Variants in RFX2 observed in about 807,000 individuals in gnomAD.
RFX2 encodes the protein regulatory factor X2.
A neutral mutation model predicts 87.8 loss-of-function variants in RFX2; 20 were observed. That is an observed-to-expected ratio of 0.23 (90% CI 0.16 to 0.33). RFX2 has a LOEUF of 0.33. Ranked by LOEUF, RFX2 falls within the 10% of genes least tolerant of loss-of-function variation. RFX2 has a pLI of 1.00. For missense variants in RFX2, 767 were observed against 1,012.3 expected (o/e 0.76, Z 3.29); for synonymous variants, 397 against 431.3 (o/e 0.92, Z 0.98).
rs769710589 is a variant in RFX2 at position 6,016,228 on chromosome 19, C to T, written c.641G>A (p.Ser214Asn). ...LDNYETAEGVSLPRSSLYNHY... is the reference protein window; with the variant it reads ...LDNYETAEGVNLPRSSLYNHY... Reference sequence around the variant, plus strand: ...GTTGTAAAGAGAACTTCTGGGGAGACTCACACCTTCCGCTGTTTCATAATT... The same window carrying T: ...GTTGTAAAGAGAACTTCTGGGGAGATTCACACCTTCCGCTGTTTCATAATT... Residue 214 changes from serine (S) to asparagine (N), a missense_variant, in exon 7 of 18, where the codon AGT becomes AAT. Ser to Asn is a conservative substitution (Grantham distance 46). Coordinates refer to ENST00000303657, the MANE Select transcript of RFX2 (RefSeq NM_000635.4). The surrounding 1 kb of genome is among the most constrained non-coding windows in gnomAD (Gnocchi z 5.4). 1 of 1,612,646 alleles carries T rather than the reference C, an allele frequency of 6.2e-7. No individual in the cohort carries two copies. The highest frequency in any genetic ancestry group is 8.5e-7 in the Non-Finnish European group (1 of 1,179,088).
intron 1 of RFX2, among the ~76,000 whole-genome samples, chr19:6,077,438 G>A (rs777791696): frequency 2.6e-5 from 4 of 152,206 alleles, no homozygotes; most frequent in East Asian, 1.9e-4. Context: ...CAAGAGGGGC[G>A]TGTGCCTCTG....
intron 6 of RFX2, among the ~76,000 whole-genome samples, chr19:6,018,561 G>C (rs1191729777): frequency 6.6e-6 from 1 of 152,250 alleles, no homozygotes; most frequent in Non-Finnish European, 1.5e-5. Flanking sequence ...GCGGGGCTGA[G>C]TTCCATTTTA....
intron 1 of RFX2, among the ~76,000 whole-genome samples, chr19:6,076,275 C>G (rs1411142546): frequency 6.6e-6 from 1 of 152,154 alleles, no homozygotes; most frequent in Admixed American, 6.5e-5. Context: ...ACCCGGGAGG[C>G]TGAGGTTGCA....
At chr19:6,094,130 G>A (rs1299196712) in intron 1 of RFX2, among the ~76,000 whole-genome samples, 2 of 152,156 alleles carry the variant, frequency 1.3e-5, no homozygotes, top group African/African-American at 2.4e-5. Flanking sequence ...GAATTCGTAT[G>A]TATGTTTTAC....
At chr19:6,088,356 C>T (rs918630384) in intron 1 of RFX2, among the ~76,000 whole-genome samples, 1 of 151,802 alleles carries the variant, frequency 6.6e-6, no homozygotes, top group African/African-American at 2.4e-5. Flanking sequence ...GTATTACAGG[C>T]ATGTGCCACC....
At chr19:6,106,026 CCCTATAGG>C (rs2088211326) in intron 1 of RFX2, among the ~76,000 whole-genome samples, 1 of 152,162 alleles carries the variant, frequency 6.6e-6, no homozygotes, top group Non-Finnish European at 1.5e-5. Flanking sequence ...GGCTCCAGTT[CCCTATAGG>C]CCTGTTAGGG....
chr19:6,030,300 C>T (rs976742995), intron 5 of RFX2, among the ~76,000 whole-genome samples: 4 of 152,294 alleles, frequency 2.6e-5, no homozygotes, highest in Non-Finnish European at 4.4e-5. Flanking sequence ...TGAGTAATGG[C>T]TGATTTCTCA....
intron 1 of RFX2, among the ~76,000 whole-genome samples, chr19:6,068,663 G>A (rs563888255): frequency 6.6e-5 from 10 of 152,208 alleles, no homozygotes; most frequent in Admixed American, 3.3e-4. Context: ...CAAAGGCCCC[G>A]AGGTGGGACA....
At chr19:6,008,583 CA>C (rs1236943710) in intron 9 of RFX2, among the ~76,000 whole-genome samples, 1 of 152,008 alleles carries the variant, frequency 6.6e-6, no homozygotes, top group Non-Finnish European at 1.5e-5. Flanking sequence ...TTGTTTTGGC[CA>C]GGCTGGTCTC....
At chr19:6,109,341 G>A (rs997245838) in intron 1 of RFX2, 1 of 152,062 alleles carries the variant, frequency 6.6e-6, no homozygotes, top group African/African-American at 2.4e-5. Flanking sequence ...AAGGGGAGGG[G>A]GTGTCCGAGG....
rs923043784 is a variant in RFX2, at chr19:6,074,028, G to A, written c.-8-26524C>T. On this transcript the variant is annotated intron_variant, in intron 1 of 17. Transcript: ENST00000303657. This position sits in a 1 kb window ranked among gnomAD's most constrained non-coding sequence, Gnocchi z 5.2. Reference sequence around the variant, plus strand: ...CTTCTAGGCAGCCCCCAGACAGGCCGGCCCTGGGTAGCAGGAACTCGTTCT... The same window carrying A: ...CTTCTAGGCAGCCCCCAGACAGGCCAGCCCTGGGTAGCAGGAACTCGTTCT... Among the ~76,000 whole-genome samples the A allele has an allele frequency of 2.0e-5, 3 of 152,164 alleles. No individual in the cohort carries two copies. The highest frequency in any genetic ancestry group is 7.2e-5 in the African/African-American group (3 of 41,444).
Position 5,998,111 on chromosome 19 carries a change from C to G in RFX2, c.1860-898G>C, listed in dbSNP as rs1233814887. ...TCACTTGGGGTCAGGAGTTCTAGAC[C>G]AGCCTGGCCAACATGGTGAAACGCC... is the stretch of plus-strand genomic sequence containing the variant. On this transcript the variant is annotated intron_variant, in intron 15 of 17. Transcript: ENST00000303657. The surrounding 1 kb of genome is among the most constrained non-coding windows in gnomAD (Gnocchi z 4.2). Among the ~76,000 whole-genome samples, 1 of 152,086 alleles carries G rather than the reference C, an allele frequency of 6.6e-6. No homozygotes were observed. Among genetic ancestry groups the G allele is most frequent in the Admixed American group, 6.5e-5 (1 of 15,276 alleles).
chr19:6,097,310 G>A (rs1434522271), intron 1 of RFX2, among the ~76,000 whole-genome samples: 1 of 152,062 alleles, frequency 6.6e-6, no homozygotes, highest in Non-Finnish European at 1.5e-5. Context: ...CTTGGGCCTT[G>A]CCTTTCTTCC....
rs751476273 is a variant in RFX2 at position 6,047,480 on chromosome 19, C to T, written c.17G>A (p.Gly6Asp). ...CACGGACGCTGGCGAATCCGCTCCA[C>T]CCTCGGAATTCTGCATGCTCAGGTC... MQNSE[G>D]GADSPASVAL... The change falls in exon 2 of 18, where the codon GGT becomes GAT. Residue 6 changes from glycine (G) to aspartate (D), a missense_variant. By Grantham distance (94) the Gly-to-Asp change is moderately conservative. Coordinates refer to ENST00000303657, the MANE Select transcript of RFX2 (RefSeq NM_000635.4). This position sits in a 1 kb window ranked among gnomAD's most constrained non-coding sequence, Gnocchi z 4.2. 24 of 1,608,508 alleles carry T rather than the reference C, an allele frequency of 1.5e-5. No homozygotes were observed. The East Asian group carries it at 4.7e-4, about 32-fold the overall frequency.
In RFX2 at chr19:6,016,297, T is replaced by C. The variant is rs370516246; in HGVS notation, c.598-26A>G. On this transcript the variant is annotated intron_variant, in intron 6 of 17. Coordinates refer to ENST00000303657, the MANE Select transcript of RFX2 (RefSeq NM_000635.4). This position sits in a 1 kb window ranked among gnomAD's most constrained non-coding sequence, Gnocchi z 5.4. ...CTGTAAAAAGAAAGACACGTCTGCG[T>C]TTGTCAGAAGCCTGAGGAACGCTAA... 5.7e-6 allele frequency: 9 copies of C among 1,568,450 alleles called. No homozygotes were observed. In the African/African-American group the frequency reaches 1.2e-4, roughly 21 times the overall value.
rs1029283339 is a variant in RFX2, at chr19:6,016,680, C to T, written c.598-409G>A. Among the ~76,000 whole-genome samples the T allele has an allele frequency of 3.9e-5, 6 of 152,188 alleles. No homozygotes were observed. The highest frequency in any genetic ancestry group is 2.1e-4 in the South Asian group (1 of 4,826). ...TGCTGGGATTACAGGCGTGAGCCAC[C>T]GTGCCTGGCCAGAAATCCATCTTTA... On this transcript the variant is annotated intron_variant, in intron 6 of 17. Coordinates refer to ENST00000303657, the MANE Select transcript of RFX2 (RefSeq NM_000635.4). This position sits in a 1 kb window ranked among gnomAD's most constrained non-coding sequence, Gnocchi z 5.4.
Position 6,017,594 on chromosome 19 carries a change from G to A in RFX2, c.598-1323C>T, listed in dbSNP as rs1230663285. 2.6e-5 allele frequency among the ~76,000 whole-genome samples: 4 copies of A among 152,178 alleles called. No individual in the cohort carries two copies. The highest frequency in any genetic ancestry group is 5.9e-5 in the Non-Finnish European group (4 of 68,020). ...GTCCAGATCCCATGTCAAGAGCGTC[G>A]GGGGAAACCAGCTGTCTCTACCTGG... On this transcript the variant is annotated intron_variant, in intron 6 of 17. Transcript: ENST00000303657. The surrounding 1 kb of genome is among the most constrained non-coding windows in gnomAD (Gnocchi z 4.1).
chr19:6,098,346 T>C (rs2088059692), intron 1 of RFX2, among the ~76,000 whole-genome samples: 2 of 152,138 alleles, frequency 1.3e-5, no homozygotes, highest in South Asian at 4.2e-4. Context: ...ACTTGAGAAA[T>C]GGGGGCTCTC....
At position 6,023,641 on chromosome 19, in the gene RFX2, G is replaced by T. The variant is rs1156817469; in HGVS notation, c.597+2522C>A. 1.3e-5 allele frequency among the ~76,000 whole-genome samples: 2 copies of T among 152,196 alleles called. No individual in the cohort carries two copies. Among genetic ancestry groups the T allele is most frequent in the African/African-American group, 2.4e-5 (1 of 41,438 alleles). On this transcript the variant is annotated intron_variant, in intron 6 of 17. Coordinates refer to ENST00000303657, the MANE Select transcript of RFX2 (RefSeq NM_000635.4). The surrounding 1 kb of genome is among the most constrained non-coding windows in gnomAD (Gnocchi z 4.9). Reference sequence around the variant, plus strand: ...TCATCAGTGAGTAAAAGAAACGAGAGATTTTACCTTCAGCTCGGGAATACG... The same window carrying T: ...TCATCAGTGAGTAAAAGAAACGAGATATTTTACCTTCAGCTCGGGAATACG...
Sources: gnomAD v4.1 joint callset for allele counts (sites outside exome capture counted in the v4.1 genomes callset) on GRCh38, gnomAD v4.1.1 for gene constraint, Gnocchi (gnomAD v3.1) non-coding constraint, MANE v1.5 for transcripts, NCBI Gene and HGNC (gene_info 2026-07-23, HGNC 2026-07-21) for gene names.